NAT9: variants seen among roughly 807,000 people sequenced by gnomAD.
The protein encoded by NAT9 is N-acetyltransferase 9.
A neutral mutation model predicts 24.0 loss-of-function variants in NAT9; 18 were observed. The observed-to-expected ratio is 0.75, with a 90% CI of 0.52 to 1.11. NAT9 has a LOEUF of 1.11. NAT9 is among the 50% of genes most tolerant of loss of function. The pLI is 0.00. For synonymous variants in NAT9, 104 were observed against 102.3 expected (o/e 1.02, Z -0.10); for missense variants, 254 against 258.6 (o/e 0.98, Z 0.12).
chr17:74,771,759 T>G lies in NAT9; in HGVS notation c.589A>C (p.Lys197Gln). The G allele has an allele frequency of 1.9e-6, 3 of 1,614,030 alleles. No homozygotes were observed. Among genetic ancestry groups the G allele is most frequent in the Non-Finnish European group, 2.5e-6 (3 of 1,180,032 alleles). The change falls in exon 7 of 7, where the codon AAG becomes CAG. Residue 197 changes from lysine (K) to glutamine (Q), a missense_variant. Physicochemically the swap from Lys to Gln is moderately conservative, Grantham distance 53 (BLOSUM62 1). Transcript: ENST00000357814. ...TCTGCCGACCCATCTCTGTAAGGCT[T>G]CTCTTCCACGTGGCTGGTCTGCTCC... ...LLEQTSHVEE[K>Q]PYRDGSAEPC
Position 74,771,517 on chromosome 17 carries a change from A to C in NAT9, c.*207T>G. 1 of 750,044 alleles carries C rather than the reference A, an allele frequency of 1.3e-6. No individual in the cohort carries two copies. Among genetic ancestry groups the C allele is most frequent in the Non-Finnish European group, 2.1e-6 (1 of 477,260 alleles). The allele number at this position is 750,044 out of a possible 1,614,324, so 46.5% of individuals were successfully genotyped here. On this transcript the variant is annotated 3_prime_UTR_variant, in exon 7 of 7. Coordinates refer to ENST00000357814, the MANE Select transcript of NAT9 (RefSeq NM_015654.5). ...GGTCTGGGTTTGGCCGGGAGGGGAG[A>C]AGGGAACTGGCCCTGGCCCTGGAGT...
At chr17:74,772,708 G>T in intron 4 of NAT9, 188 bp downstream of exon 4, 1 of 1,134,498 alleles carries the variant, frequency 8.8e-7, no homozygotes, top group Non-Finnish European at 1.2e-6. Context: ...GGACTAAAGT[G>T]ATGAGGCTGA....
chr17:74,774,972 C>T (rs1443626172), intron 2 of NAT9, among the ~76,000 whole-genome samples: 2 of 152,072 alleles, frequency 1.3e-5, no homozygotes, highest in Admixed American at 1.3e-4. Context: ...TCTCCTGCCT[C>T]AGCCTCCCAA....
Position 74,771,649 on chromosome 17 carries a change from G to A in NAT9, c.*75C>T, listed in dbSNP as rs796698641. ...CCTGGGCCAGGAGCACTCTCCCAGT[G>A]CAGGGCTCTGGTCTTTGAAGTGTAT... On this transcript the variant is annotated 3_prime_UTR_variant, in exon 7 of 7. Coordinates refer to ENST00000357814, the MANE Select transcript of NAT9 (RefSeq NM_015654.5). The A allele has an allele frequency of 1.6e-5, 25 of 1,587,602 alleles. 1 individual carries two copies. The African/African-American group carries it at 3.4e-4, about 21-fold the overall frequency.
rs192861599 is a variant in NAT9 at position 74,775,286 on chromosome 17, C to A, written c.77+336G>T. 378 of 207,322 alleles carry A rather than the reference C, an allele frequency of 1.8e-3. 11 individuals are homozygous for A. In the Admixed American group the frequency reaches 0.019, roughly 11 times the overall value. 12.8% of individuals were successfully genotyped at this position (207,322 alleles called of 1,614,324 possible). On this transcript the variant is annotated intron_variant, in intron 2 of 6. Coordinates refer to ENST00000357814, the MANE Select transcript of NAT9 (RefSeq NM_015654.5). Reference sequence around the variant, plus strand: ...CACAGCAGTCTTCATCTCCTGGGCTCAGGCAATCCTCCCACCTCAGCCTCC... The same window carrying A: ...CACAGCAGTCTTCATCTCCTGGGCTAAGGCAATCCTCCCACCTCAGCCTCC...
intron 4 of NAT9, 91 bp downstream of exon 4, chr17:74,772,805 T>C: frequency 1.3e-6 from 2 of 1,562,440 alleles, no homozygotes; most frequent in Non-Finnish European, 1.7e-6. Context: ...CAGTGAACCC[T>C]GTGAGTGCCC....
intron 5 of NAT9, 25 bp from the exon 6 acceptor site, chr17:74,772,079 C>T (rs761692064): frequency 3.1e-6 from 5 of 1,614,130 alleles, no homozygotes; most frequent in Non-Finnish European, 4.2e-6. Flanking sequence ...GAGACAGGGG[C>T]AAGTAAGGAG....
chr17:74,773,082 G>A (rs371567148), intron 3 of NAT9, 43 bp from the exon 4 acceptor site: 114 of 1,602,844 alleles, frequency 7.1e-5, no homozygotes, highest in Non-Finnish European at 9.5e-5. Flanking sequence ...CTCCCCAGAG[G>A]AGAGAAGAGA....
Position 74,771,636 on chromosome 17 carries a change from G to A in NAT9, c.*88C>T. 1 of 1,563,976 alleles carries A rather than the reference G, an allele frequency of 6.4e-7. No homozygotes were observed. Among genetic ancestry groups the A allele is most frequent in the Non-Finnish European group, 8.7e-7 (1 of 1,153,048 alleles). Reference sequence around the variant, plus strand: ...AGGTGATTCCCAGCCTGGGCCAGGAGCACTCTCCCAGTGCAGGGCTCTGGT... The same window carrying A: ...AGGTGATTCCCAGCCTGGGCCAGGAACACTCTCCCAGTGCAGGGCTCTGGT... On this transcript the variant is annotated 3_prime_UTR_variant, in exon 7 of 7. Coordinates refer to ENST00000357814, the MANE Select transcript of NAT9 (RefSeq NM_015654.5).
At chr17:74,774,323 C>T (rs1443497259) in intron 2 of NAT9, among the ~76,000 whole-genome samples, 1 of 152,074 alleles carries the variant, frequency 6.6e-6, no homozygotes, top group Non-Finnish European at 1.5e-5. Context: ...TAAAGCAATT[C>T]CTTGCTGAAA....
In NAT9 at chr17:74,773,698, A is replaced by C; in HGVS notation, c.78-10T>G. 1.9e-6 allele frequency: 3 copies of C among 1,613,058 alleles called. No individual in the cohort carries two copies. The highest frequency in any genetic ancestry group is 2.5e-6 in the Non-Finnish European group (3 of 1,179,182). On this transcript the variant is annotated splice_polypyrimidine_tract_variant and intron_variant, in intron 2 of 6. Transcript: ENST00000357814. Reference sequence around the variant, plus strand: ...CCACTCGTGGTACCTGCTGGGACAGAGGGGTGGCTTTAGACATGGAGGACT... The same window carrying C: ...CCACTCGTGGTACCTGCTGGGACAGCGGGGTGGCTTTAGACATGGAGGACT...
chr17:74,772,752 C>T, intron 4 of NAT9, 144 bp downstream of exon 4: 1 of 1,297,874 alleles, frequency 7.7e-7, no homozygotes, highest in Non-Finnish European at 1.1e-6. Context: ...GCTAGGTGGG[C>T]AGGCTGCCCA....
In NAT9 at chr17:74,775,670, A is replaced by T. The variant is rs1053398074; in HGVS notation, c.29T>A (p.Leu10Gln). ...GGGTACAAGGACCACCTTCTTCCCC[A>T]GCAGCAAGGTGTTCTGATTCAACCT... MRLNQNTLL[L>Q]GKKVVLVPYT... The change falls in exon 2 of 7, where the codon CTG (leucine) becomes CAG (glutamine). Residue 10 changes from leucine (L) to glutamine (Q), a missense_variant. Coordinates refer to ENST00000357814, the MANE Select transcript of NAT9 (RefSeq NM_015654.5). The T allele has an allele frequency of 6.2e-7, 1 of 1,614,126 alleles. No homozygotes were observed. Among genetic ancestry groups the T allele is most frequent in the Admixed American group, 1.7e-5 (1 of 60,018 alleles).
intron 1 of NAT9, 84 bp from the exon 2 acceptor site, chr17:74,775,791 G>T: frequency 4.5e-6 from 5 of 1,104,902 alleles, no homozygotes; most frequent in African/African-American, 1.6e-5. Flanking sequence ...TCCTGCTGGG[G>T]CTAAGTTGAC....
Position 74,771,696 on chromosome 17 carries a change from C to CA in NAT9, c.*27dup. The CA allele has an allele frequency of 1.1e-5, 17 of 1,612,820 alleles. No homozygotes were observed. The highest frequency in any genetic ancestry group is 1.4e-5 in the Non-Finnish European group (16 of 1,179,924). Reference sequence around the variant, plus strand: ...GTATGGGCCCAACACCCTGCTCACACAGAGTGGCTGCCCACAAGGCCCAGC... The same window carrying CA: ...GTATGGGCCCAACACCCTGCTCACACAAGAGTGGCTGCCCACAAGGCCCAGC... On this transcript the variant is annotated 3_prime_UTR_variant, in exon 7 of 7. Transcript: ENST00000357814.
chr17:74,772,747 G>A, intron 4 of NAT9, 149 bp downstream of exon 4: 2 of 1,262,818 alleles, frequency 1.6e-6, no homozygotes, highest in Non-Finnish European at 2.2e-6. Context: ...AGGGGGCTAG[G>A]TGGGCAGGCT....
Position 74,771,538 on chromosome 17 carries a change from G to A in NAT9, c.*186C>T. The A allele has an allele frequency of 3.2e-6, 3 of 926,582 alleles. No individual in the cohort carries two copies. The highest frequency in any genetic ancestry group is 1.7e-5 in the South Asian group (1 of 57,828). The allele number at this position is 926,582 out of a possible 1,614,324, so 57.4% of individuals were successfully genotyped here. A position where few individuals can be genotyped will look rare whatever the true frequency, so the allele number is the denominator to read the frequency against. ...GGAGAAGGGAACTGGCCCTGGCCCT[G>A]GAGTCTGCTCAGCCACACCACTAGC... is the stretch of plus-strand genomic sequence containing the variant. On this transcript the variant is annotated 3_prime_UTR_variant, in exon 7 of 7. Coordinates refer to ENST00000357814, the MANE Select transcript of NAT9 (RefSeq NM_015654.5).
At chr17:74,774,090 A>G in intron 2 of NAT9, 1 of 193,860 alleles carries the variant, frequency 5.2e-6, no homozygotes, top group South Asian at 9.3e-5. Flanking sequence ...CAGCACCACT[A>G]TCCCAATCTA....
At position 74,775,499 on chromosome 17, in the gene NAT9, C is replaced by A. The variant is rs572801364; in HGVS notation, c.77+123G>T. 3.6e-5 allele frequency: 29 copies of A among 809,194 alleles called. 1 individual carries two copies. The highest frequency in any genetic ancestry group is 2.8e-4 in the African/African-American group (16 of 56,544). The allele number at this position is 809,194 out of a possible 1,614,324, so 50.1% of individuals were successfully genotyped here. On this transcript the variant is annotated intron_variant, in intron 2 of 6. Transcript: ENST00000357814. ...CCACGGCACCCAGCCTTTTTTCCCC[C>A]CTCATATATAATTATTTCTCACAAC... is the stretch of plus-strand genomic sequence containing the variant.
Sources: gnomAD v4.1 joint callset for allele counts (sites outside exome capture counted in the v4.1 genomes callset) on GRCh38, gnomAD v4.1.1 for gene constraint, MANE v1.5 for transcripts, NCBI Gene and HGNC (gene_info 2026-07-23, HGNC 2026-07-21) for gene names.